PRLR: variants seen among roughly 807,000 people sequenced by gnomAD.
The protein encoded by PRLR is hPRL receptor.
PRLR carries 13 observed loss-of-function variants against 40.2 expected under a neutral mutation model. The observed-to-expected ratio is 0.32, with a 90% confidence interval of 0.21 to 0.51. The LOEUF is 0.51. Among genes scored for constraint, PRLR ranks in the 20% least tolerant of loss-of-function variants. The pLI is 0.97. For synonymous variants in PRLR, 269 were observed against 278.7 expected, an observed-to-expected ratio of 0.97 and a Z score of 0.35; for missense variants, 656 against 747.3, an observed-to-expected ratio of 0.88 and a Z score of 1.42.
chr5:35,132,195 G>C (rs1477886145), intron 1 of PRLR, among the ~76,000 whole-genome samples: 2 of 152,112 alleles, frequency 1.3e-5, no homozygotes, highest in Non-Finnish European at 2.9e-5. Flanking sequence ...AGGAGAAAAA[G>C]GGAAATAAAT....
intron 1 of PRLR, among the ~76,000 whole-genome samples, chr5:35,144,525 C>A (rs917516163): frequency 6.6e-6 from 1 of 152,192 alleles, no homozygotes; most frequent in African/African-American, 2.4e-5. Flanking sequence ...ACAATCTCGG[C>A]TCACTGCAAC....
intron 1 of PRLR, among the ~76,000 whole-genome samples, chr5:35,153,316 A>G (rs1022794907): frequency 6.6e-6 from 1 of 152,230 alleles, no homozygotes; most frequent in African/African-American, 2.4e-5. Context: ...TGAAGTCTTT[A>G]CAATGTTCTT....
downstream of PRLR, among the ~76,000 whole-genome samples, chr5:35,052,919 T>A (rs1036829157): frequency 6.6e-6 from 1 of 152,242 alleles, no homozygotes; most frequent in African/African-American, 2.4e-5. Flanking sequence ...CAGTTTCCTC[T>A]GTATCTTTGG....
chr5:35,222,837 C>T (rs1255332594), intron 1 of PRLR, among the ~76,000 whole-genome samples: 1 of 152,220 alleles, frequency 6.6e-6, no homozygotes, highest in Non-Finnish European at 1.5e-5. Flanking sequence ...AGTAATTAAA[C>T]TCCATTTCTC....
intron 1 of PRLR, among the ~76,000 whole-genome samples, chr5:35,170,404 G>T (rs1276196357): frequency 8.5e-5 from 13 of 152,182 alleles, no homozygotes; most frequent in Non-Finnish European, 1.5e-5. Flanking sequence ...CATTTTGTTT[G>T]CTTCAAAATA....
intron 5 of PRLR, chr5:35,081,989 C>A: frequency 5.6e-6 from 1 of 178,582 alleles, no homozygotes; most frequent in East Asian, 1.4e-4. Context: ...TCCACATGGC[C>A]TCCATGTAGT....
intron 1 of PRLR, among the ~76,000 whole-genome samples, chr5:35,169,599 C>A (rs1774939407): frequency 6.6e-6 from 1 of 152,170 alleles, no homozygotes; most frequent in South Asian, 2.1e-4. Context: ...TTGACTATTG[C>A]AATCTTGGGA....
chr5:35,206,303 G>T (rs1186806875), intron 1 of PRLR, among the ~76,000 whole-genome samples: 3 of 152,006 alleles, frequency 2.0e-5, no homozygotes, highest in Non-Finnish European at 4.4e-5. Context: ...GGGATAAAAG[G>T]TGGCGAATCT....
intron 1 of PRLR, among the ~76,000 whole-genome samples, chr5:35,207,687 G>C (rs1012901192): frequency 6.6e-6 from 1 of 151,496 alleles, no homozygotes; most frequent in Non-Finnish European, 1.5e-5. Flanking sequence ...ACAGCAACTT[G>C]AATAAAAACA....
At chr5:35,175,697 T>G (rs979436360) in intron 1 of PRLR, among the ~76,000 whole-genome samples, 9 of 152,228 alleles carry the variant, frequency 5.9e-5, no homozygotes, top group African/African-American at 2.2e-4. Flanking sequence ...CTATGCATTT[T>G]TTCCAGTGTG....
chr5:35,086,407 T>C, intron 3 of PRLR, 67 bp from the exon 4 acceptor site: 2 of 1,573,608 alleles, frequency 1.3e-6, no homozygotes, highest in Admixed American at 3.5e-5. Context: ...CTTCTGCTGG[T>C]GACAGAAACA....
intron 1 of PRLR, among the ~76,000 whole-genome samples, chr5:35,198,974 A>G (rs1455319703): frequency 6.6e-6 from 1 of 152,226 alleles, no homozygotes; most frequent in Non-Finnish European, 1.5e-5. Flanking sequence ...ATGATTAACA[A>G]CAGCCAAGTT....
At chr5:35,050,559 T>G (rs1579531906) in intron 8 of PRLR, among the ~76,000 whole-genome samples, 1 of 152,230 alleles carries the variant, frequency 6.6e-6, no homozygotes, top group East Asian at 1.9e-4. Flanking sequence ...AGTAGGAAAA[T>G]ATAGAAATTT....
chr5:35,101,762 A>G (rs1771893102), intron 2 of PRLR, among the ~76,000 whole-genome samples: 1 of 148,442 alleles, frequency 6.7e-6, no homozygotes, highest in African/African-American at 2.4e-5. Context: ...TATACATATA[A>G]AACATAAATA....
chr5:35,195,922 C>T (rs1163283484), intron 1 of PRLR, among the ~76,000 whole-genome samples: 2 of 152,088 alleles, frequency 1.3e-5, no homozygotes, highest in African/African-American at 4.8e-5. Flanking sequence ...GAGAGGGCCT[C>T]AGTCTTTAAC....
At chr5:35,156,294 G>A (rs1299887574) in intron 1 of PRLR, among the ~76,000 whole-genome samples, 2 of 151,578 alleles carry the variant, frequency 1.3e-5, no homozygotes, top group African/African-American at 2.4e-5. Context: ...TTGCACCACC[G>A]AGGTCTAAGT....
chr5:35,204,254 A>T (rs1296523146), intron 1 of PRLR, among the ~76,000 whole-genome samples: 1 of 151,388 alleles, frequency 6.6e-6, no homozygotes, highest in East Asian at 1.9e-4. Context: ...AAAAAACATA[A>T]AAACACACAC....
In PRLR at chr5:35,058,071, T is replaced by C. The variant is rs1768819153; in HGVS notation, c.*7018A>G. On this transcript the variant is annotated 3_prime_UTR_variant, in exon 10 of 10. Coordinates refer to ENST00000618457, the MANE Select transcript of PRLR (RefSeq NM_000949.7). ...TCTTGCAGCCGGTTTTTATAAAATATAAACATGTAAGAATGGTTATTCAGA... is the reference window on the plus strand; with the variant it reads ...TCTTGCAGCCGGTTTTTATAAAATACAAACATGTAAGAATGGTTATTCAGA... 6.6e-6 allele frequency: 1 copy of C among 152,110 alleles called. No homozygotes were observed. The highest frequency in any genetic ancestry group is 2.4e-5 in the African/African-American group (1 of 41,440). The allele number at this position is 152,110 out of a possible 1,614,324, so 9.4% of individuals were successfully genotyped here.
intron 2 of PRLR, among the ~76,000 whole-genome samples, chr5:35,097,118 C>G (rs1307440384): frequency 1.3e-5 from 2 of 152,188 alleles, no homozygotes; most frequent in African/African-American, 4.8e-5. Context: ...CAGCCTTCCT[C>G]CTGATAACAG....
Sources: gnomAD v4.1 joint callset for allele counts (sites outside exome capture counted in the v4.1 genomes callset) on GRCh38, gnomAD v4.1.1 for gene constraint, MANE v1.5 for transcripts, NCBI Gene and HGNC (gene_info 2026-07-23, HGNC 2026-07-21) for gene names.